TUBA3E: variants seen among roughly 807,000 people sequenced by gnomAD.
TUBA3E encodes the protein tubulin alpha-3E chain.
A neutral mutation model predicts 36.7 loss-of-function variants in TUBA3E; 21 were observed. The ratio of observed to expected loss-of-function variants is 0.57; its 90% CI spans 0.41 to 0.83. TUBA3E has a LOEUF of 0.83. Among genes scored for constraint, TUBA3E ranks in the 40% least tolerant of loss-of-function variants. TUBA3E has a pLI of 0.00. For missense variants in TUBA3E, 469 were observed against 604.2 expected (o/e 0.78, Z 2.35); for synonymous variants, 177 against 241.9 (o/e 0.73, Z 2.49).
chr2:130,196,387 T>C lies in TUBA3E; in HGVS notation c.4-16A>G, dbSNP rs373322272. ...TACACTCGCGCTGTGAACCGGAACA[T>C]AAATGTGAACCCATTCATTTCAAGG... On this transcript the variant is annotated splice_polypyrimidine_tract_variant and intron_variant, in intron 1 of 4. Coordinates refer to ENST00000312988, the MANE Select transcript of TUBA3E (RefSeq NM_207312.3). 36 of 1,609,194 alleles carry C rather than the reference T, an allele frequency of 2.2e-5. No homozygotes were observed. Among genetic ancestry groups the C allele is most frequent in the Middle Eastern group, 1.6e-4 (1 of 6,062 alleles).
Position 130,197,988 on chromosome 2 carries a change from C to A in TUBA3E, c.3+370G>T, listed in dbSNP as rs1465144823. 2.4e-5 allele frequency among the ~76,000 whole-genome samples: 3 copies of A among 123,308 alleles called. 1 individual carries two copies. Among genetic ancestry groups the A allele is most frequent in the Non-Finnish European group, 5.4e-5 (3 of 55,924 alleles). The allele number at this position is 123,308 out of a possible 152,430, so 80.9% of individuals were successfully genotyped here. ...TCCTCATCTGACCAATGTCCACAGCCCCAACCCCCGTCACCGAAGGCTCCT... is the reference window on the plus strand; with the variant it reads ...TCCTCATCTGACCAATGTCCACAGCACCAACCCCCGTCACCGAAGGCTCCT... On this transcript the variant is annotated intron_variant, in intron 1 of 4. Coordinates refer to ENST00000312988, the MANE Select transcript of TUBA3E (RefSeq NM_207312.3).
rs756913880 is a variant in TUBA3E, at chr2:130,192,091, C to G, written c.1093G>C (p.Gly365Arg). 1.2e-6 allele frequency: 2 copies of G among 1,606,486 alleles called. No homozygotes were observed. The highest frequency in any genetic ancestry group is 1.1e-5 in the South Asian group (1 of 89,912). Residue 365 changes from glycine (G) to arginine (R), a missense_variant, in exon 5 of 5, where the codon GGG becomes CGG. Gly to Arg is a moderately radical substitution (Grantham distance 125, BLOSUM62 -2). This residue lies in a region of TUBA3E where 296 missense variants were observed against 346.9 expected (regional missense o/e 0.85). Coordinates refer to ENST00000312988, the MANE Select transcript of TUBA3E (RefSeq NM_207312.3). ...INYQPPTVVP[G>R]GDLAKVQRAV... ...CGCTGCACCTTGGCCAGGTCTCCCC[C>G]GGGGACCACTGTGGGGGGCTGGTAG...
chr2:130,194,685 CTTGT>C (rs1403249984), intron 3 of TUBA3E, among the ~76,000 whole-genome samples: 1 of 151,984 alleles, frequency 6.6e-6, no homozygotes, highest in Non-Finnish European at 1.5e-5. Context: ...TAAGTTTTTG[CTTGT>C]TTGTTTGAGA....
intron 2 of TUBA3E, among the ~76,000 whole-genome samples, chr2:130,195,731 G>A (rs549671836): frequency 4.6e-5 from 7 of 152,336 alleles, no homozygotes; most frequent in South Asian, 2.1e-4. Flanking sequence ...CTCAGGCTGC[G>A]AATCTGAAGG....
At position 130,191,830 on chromosome 2, in the gene TUBA3E, C is replaced by G. The variant is rs1445231768; in HGVS notation, c.*1G>C. 6.9e-6 allele frequency: 11 copies of G among 1,595,468 alleles called. No homozygotes were observed. The East Asian group carries it at 2.2e-4, about 32-fold the overall frequency. ...AGGGGAGAACCCACCACACCCTCCC[C>G]TCAGTATGCTTCGCCTTCTTCAGCC... On this transcript the variant is annotated 3_prime_UTR_variant, in exon 5 of 5. Coordinates refer to ENST00000312988, the MANE Select transcript of TUBA3E (RefSeq NM_207312.3).
At position 130,198,434 on chromosome 2, in the gene TUBA3E, T is replaced by G; in HGVS notation, c.-74A>C. ...CTGCCACAGCTGCTGAGCGCCCAACTGCAATGACCTGCCCACGCGCGCCGC... is the reference window on the plus strand; with the variant it reads ...CTGCCACAGCTGCTGAGCGCCCAACGGCAATGACCTGCCCACGCGCGCCGC... On this transcript the variant is annotated 5_prime_UTR_variant, in exon 1 of 5. Coordinates refer to ENST00000312988, the MANE Select transcript of TUBA3E (RefSeq NM_207312.3). 1.5e-6 allele frequency: 2 copies of G among 1,344,262 alleles called. 1 individual carries two copies. The highest frequency in any genetic ancestry group is 2.0e-6 in the Non-Finnish European group (2 of 986,386). 83.3% of individuals were successfully genotyped at this position (1,344,262 alleles called of 1,614,324 possible).
At chr2:130,198,147 C>A (rs1690457694) in intron 1 of TUBA3E, among the ~76,000 whole-genome samples, 1 of 122,974 alleles carries the variant, frequency 8.1e-6, no homozygotes, top group African/African-American at 2.9e-5. Flanking sequence ...CCACTAAAGG[C>A]CGGCAGCTTC....
chr2:130,192,162 C>T, intron 4 of TUBA3E, 35 bp from the exon 5 acceptor site: 1 of 1,569,088 alleles, frequency 6.4e-7, no homozygotes, highest in Non-Finnish European at 8.6e-7. Context: ...GTCCGTGAAG[C>T]TTATATCAAA....
At position 130,191,960 on chromosome 2, in the gene TUBA3E, G is replaced by A. The variant is rs574854736; in HGVS notation, c.1224C>T (p.Tyr408=). 61 of 1,613,894 alleles carry A rather than the reference G, an allele frequency of 3.8e-5. No individual in the cohort carries two copies. The highest frequency in any genetic ancestry group is 2.5e-4 in the South Asian group (23 of 91,066). ...CTCCCTCTTCCATGCCTTCGCCCAC[G>A]TACCAGTGCACAAAGGCCCACTTGG... The part of the protein sequence containing the change: ...MYAKWAFVHW[Y]VGEGMEEGEF... The change falls in exon 5 of 5, where the codon TAC becomes TAT. Residue 408 remains tyrosine, a synonymous_variant. Transcript: ENST00000312988.
chr2:130,194,600 A>T (rs1234130698), intron 3 of TUBA3E, 134 bp from the exon 4 acceptor site: 6 of 1,200,178 alleles, frequency 5.0e-6, no homozygotes, highest in Non-Finnish European at 6.9e-6. Context: ...CATGCAATAC[A>T]CTTTGAAGCA....
chr2:130,193,937 A>T lies in TUBA3E; in HGVS notation c.905T>A (p.Met302Lys). 1.9e-6 allele frequency: 3 copies of T among 1,614,236 alleles called. No homozygotes were observed. The highest frequency in any genetic ancestry group is 1.1e-5 in the South Asian group (1 of 91,084). Residue 302 changes from methionine to lysine, a missense_variant, in exon 4 of 5, where the codon ATG (methionine) becomes AAG (lysine). By Grantham distance (95) the Met-to-Lys change is moderately conservative. Coordinates refer to ENST00000312988, the MANE Select transcript of TUBA3E (RefSeq NM_207312.3). Reference sequence around the variant, plus strand: ...GCCATGGCGAGGGTCACACTTGACCATCTGATTGGCTGGCTCGAAGCAGGC... The same window carrying T: ...GCCATGGCGAGGGTCACACTTGACCTTCTGATTGGCTGGCTCGAAGCAGGC... ...TNACFEPANQ[M>K]VKCDPRHGKY...
rs1048531223 is a variant in TUBA3E at position 130,197,505 on chromosome 2, A to G, written c.3+853T>C. ...TGAGTGCTGTCTCAAAAAAAAAAAAAAAAGAAAAGAAAAGAAAAAAGAAAA... is the reference window on the plus strand; with the variant it reads ...TGAGTGCTGTCTCAAAAAAAAAAAAGAAAGAAAAGAAAAGAAAAAAGAAAA... On this transcript the variant is annotated intron_variant, in intron 1 of 4. Coordinates refer to ENST00000312988, the MANE Select transcript of TUBA3E (RefSeq NM_207312.3). 1.8e-5 allele frequency among the ~76,000 whole-genome samples: 2 copies of G among 109,080 alleles called. 1 individual carries two copies. Among genetic ancestry groups the G allele is most frequent in the Non-Finnish European group, 3.6e-5 (2 of 55,572 alleles). The allele number at this position is 109,080 out of a possible 152,430, so 71.6% of individuals were successfully genotyped here.
chr2:130,197,393 G>A lies in TUBA3E; in HGVS notation c.3+965C>T, dbSNP rs146705031. Among the ~76,000 whole-genome samples the A allele has an allele frequency of 9.7e-4, 102 of 105,288 alleles. 18 individuals carry two copies. The highest frequency in any genetic ancestry group is 2.7e-3 in the African/African-American group (82 of 29,852). 69.1% of individuals were successfully genotyped at this position (105,288 alleles called of 152,430 possible). ...TACCAGCTACTCGGAAGGCTGAGGC[G>A]GGAGGACTGCTGGAAGCCAGGGGTT... On this transcript the variant is annotated intron_variant, in intron 1 of 4. Coordinates refer to ENST00000312988, the MANE Select transcript of TUBA3E (RefSeq NM_207312.3).
At position 130,198,315 on chromosome 2, in the gene TUBA3E, G is replaced by A. The variant is rs369519842; in HGVS notation, c.3+43C>T. 6 of 1,351,984 alleles carry A rather than the reference G, an allele frequency of 4.4e-6. 2 individuals are homozygous for A. Among genetic ancestry groups the A allele is most frequent in the Non-Finnish European group, 4.0e-6 (4 of 991,596 alleles). 83.7% of individuals were successfully genotyped at this position (1,351,984 alleles called of 1,614,324 possible). ...CCTCTGTCCACCCGAGGCCAACTTC[G>A]TCTGCCTGGGCATCTGCGGGGCGGG... On this transcript the variant is annotated intron_variant, in intron 1 of 4. Coordinates refer to ENST00000312988, the MANE Select transcript of TUBA3E (RefSeq NM_207312.3).
Position 130,193,838 on chromosome 2 carries a change from A to T in TUBA3E, c.1004T>A (p.Ile335Asn). 6.2e-7 allele frequency: 1 copy of T among 1,614,018 alleles called. No individual in the cohort carries two copies. The highest frequency in any genetic ancestry group is 8.5e-7 in the Non-Finnish European group (1 of 1,179,950). ...PKDVNAAIAT[I>N]KTKRTIQFVD... Reference sequence around the variant, plus strand: ...AAACTGGATAGTGCGCTTGGTCTTGATGGTGGCGATGGCCGCATTGACGTC... The same window carrying T: ...AAACTGGATAGTGCGCTTGGTCTTGTTGGTGGCGATGGCCGCATTGACGTC... Residue 335 changes from isoleucine (I) to asparagine (N), a missense_variant, in exon 4 of 5, where the codon ATC becomes AAC. Transcript: ENST00000312988.
chr2:130,196,479 C>T lies in TUBA3E; in HGVS notation c.4-108G>A, dbSNP rs1268678779. 19 of 1,449,730 alleles carry T rather than the reference C, an allele frequency of 1.3e-5. No individual in the cohort carries two copies. The Middle Eastern group carries it at 6.1e-4, about 47-fold the overall frequency. 89.8% of individuals were successfully genotyped at this position (1,449,730 alleles called of 1,614,324 possible). A position where few individuals can be genotyped will look rare whatever the true frequency, so the allele number is the denominator to read the frequency against. On this transcript the variant is annotated intron_variant, in intron 1 of 4. Transcript: ENST00000312988. ...ATTTATATAGTGCTTCAGTATCTGG[C>T]GCTTTCACAATCGATATTTCCTAGG...
In TUBA3E at chr2:130,194,319, G is replaced by A; in HGVS notation, c.523C>T (p.Pro175Ser). 1 of 1,612,892 alleles carries A rather than the reference G, an allele frequency of 6.2e-7. No individual in the cohort carries two copies. The highest frequency in any genetic ancestry group is 2.2e-5 in the East Asian group (1 of 44,848). Reference sequence around the variant, plus strand: ...TCCACCACGGCTGTGGAGACCTGGGGGGCTGGGTAAATGGCAAACTCTAGC... The same window carrying A: ...TCCACCACGGCTGTGGAGACCTGGGAGGCTGGGTAAATGGCAAACTCTAGC... ...SKLEFAIYPAPQVSTAVVEPY... is the reference protein window; with the variant it reads ...SKLEFAIYPASQVSTAVVEPY... Residue 175 changes from proline (P) to serine (S), a missense_variant, in exon 4 of 5, where the codon CCC becomes TCC. Physicochemically the swap from Pro to Ser is moderately conservative, Grantham distance 74. This residue lies in a region of TUBA3E where 169 missense variants were observed against 239.0 expected (regional missense o/e 0.71). Coordinates refer to ENST00000312988, the MANE Select transcript of TUBA3E (RefSeq NM_207312.3).
chr2:130,196,451 A>G (rs1690408059), intron 1 of TUBA3E, 80 bp from the exon 2 acceptor site: 1 of 1,541,340 alleles, frequency 6.5e-7, no homozygotes, highest in East Asian at 2.3e-5. Flanking sequence ...ATTCTAATTT[A>G]ATATTTATAT....
rs118018454 is a variant in TUBA3E, at chr2:130,193,630, C to T, written c.1056+156G>A. Among the ~76,000 whole-genome samples, 1,891 of 146,202 alleles carry T rather than the reference C, an allele frequency of 0.013. 91 individuals carry two copies. In the East Asian group the frequency reaches 0.16, roughly 13 times the overall value. Reference sequence around the variant, plus strand: ...TCAAAAAAAAAAAAAAAAAAAAAATCACTGAATCAATTATCAACTCTGGTT... The same window carrying T: ...TCAAAAAAAAAAAAAAAAAAAAAATTACTGAATCAATTATCAACTCTGGTT... On this transcript the variant is annotated intron_variant, in intron 4 of 4. Coordinates refer to ENST00000312988, the MANE Select transcript of TUBA3E (RefSeq NM_207312.3).
Sources: gnomAD v4.1 joint callset for allele counts (sites outside exome capture counted in the v4.1 genomes callset) on GRCh38, gnomAD v4.1.1 for gene constraint, gnomAD v4.1.1 regional missense constraint, MANE v1.5 for transcripts, NCBI Gene and HGNC (gene_info 2026-07-23, HGNC 2026-07-21) for gene names.